Variants in UTRN observed in about 807,000 individuals in gnomAD.
UTRN encodes dystrophin-related protein 1.
UTRN carries 283 observed loss-of-function variants against 463.9 expected under a neutral mutation model. That is an observed-to-expected ratio of 0.61 (90% CI 0.55 to 0.67). UTRN has a LOEUF of 0.67. Among genes scored for constraint, UTRN ranks in the 30% least tolerant of loss-of-function variants. UTRN has a pLI of 0.00. For missense variants in UTRN, 3,922 were observed against 4,084.3 expected (o/e 0.96, Z 1.08); for synonymous variants, 1,442 against 1,431.5 (o/e 1.01, Z -0.17).
intron 51 of UTRN, among the ~76,000 whole-genome samples, chr6:144,651,187 A>T (rs1778785415): frequency 6.6e-6 from 1 of 151,968 alleles, no homozygotes; most frequent in Non-Finnish European, 1.5e-5. Context: ...AATTTTTTTG[A>T]TATATATGAA....
intron 3 of UTRN, among the ~76,000 whole-genome samples, chr6:144,415,621 C>A (rs893524989): frequency 1.3e-5 from 2 of 152,076 alleles, no homozygotes; most frequent in Non-Finnish European, 1.5e-5. Context: ...AGTATCAGAT[C>A]AGAGAGAGGG....
At chr6:144,455,179 T>G (rs1463837863) in intron 19 of UTRN, among the ~76,000 whole-genome samples, 1 of 152,222 alleles carries the variant, frequency 6.6e-6, no homozygotes, top group East Asian at 1.9e-4. Flanking sequence ...GTCCATTTAT[T>G]TTGAAATTAT....
chr6:144,612,367 G>T (rs1377734939), intron 51 of UTRN, among the ~76,000 whole-genome samples: 5 of 152,026 alleles, frequency 3.3e-5, no homozygotes, highest in African/African-American at 1.2e-4. Flanking sequence ...AAATGGGATT[G>T]AATCAAACTA....
At chr6:144,802,943 T>G (rs1239689251) in intron 64 of UTRN, 93 bp from the exon 65 acceptor site, 4 of 848,418 alleles carry the variant, frequency 4.7e-6, no homozygotes, top group Admixed American at 3.6e-5. Flanking sequence ...TATATTTTAT[T>G]TTTTGGTAAT....
intron 73 of UTRN, among the ~76,000 whole-genome samples, chr6:144,845,626 T>C (rs1781946037): frequency 6.6e-6 from 1 of 152,214 alleles, no homozygotes; most frequent in Admixed American, 6.5e-5. Flanking sequence ...TTTGGCTATT[T>C]GTTATATTTG....
chr6:144,817,806 A>G (rs2128752089), intron 65 of UTRN, among the ~76,000 whole-genome samples: 1 of 152,294 alleles, frequency 6.6e-6, no homozygotes, highest in East Asian at 1.9e-4. Flanking sequence ...CTCTTAGATT[A>G]CAACTCTTTG....
At chr6:144,740,731 T>C (rs944128102) in intron 54 of UTRN, among the ~76,000 whole-genome samples, 7 of 152,232 alleles carry the variant, frequency 4.6e-5, no homozygotes, top group African/African-American at 1.7e-4. Flanking sequence ...GCCCATCGAT[T>C]GGGTAAAAAT....
intron 70 of UTRN, 37 bp from the exon 71 acceptor site, chr6:144,836,264 G>T (rs116948114): frequency 8.7e-6 from 14 of 1,613,014 alleles, no homozygotes; most frequent in Non-Finnish European, 1.2e-5. Flanking sequence ...GATAATGCAC[G>T]TGGTAGTCAT....
chr6:144,816,310 A>G (rs1779072410), intron 65 of UTRN, among the ~76,000 whole-genome samples: 1 of 152,186 alleles, frequency 6.6e-6, no homozygotes, highest in South Asian at 2.1e-4. Context: ...AAGGATAGAC[A>G]TTGGAGTGAT....
At position 144,561,220 on chromosome 6, in the gene UTRN, T is replaced by C. The variant is rs1476083875; in HGVS notation, c.7289+3909T>C. Among the ~76,000 whole-genome samples, 66 of 35,376 alleles carry C rather than the reference T, an allele frequency of 1.9e-3. 5 individuals carry two copies. The highest frequency in any genetic ancestry group is 0.014 in the East Asian group (26 of 1,918). 23.2% of individuals were successfully genotyped at this position (35,376 alleles called of 152,430 possible). On this transcript the variant is annotated intron_variant, in intron 50 of 74. Transcript: ENST00000367545. ...AAAAATAACATTATATATATATATATATATATATATATATATATATATATA... is the reference window on the plus strand; with the variant it reads ...AAAAATAACATTATATATATATATACATATATATATATATATATATATATA...
chr6:144,730,803 A>G (rs1788439702), intron 54 of UTRN, among the ~76,000 whole-genome samples: 1 of 151,602 alleles, frequency 6.6e-6, no homozygotes, highest in South Asian at 2.1e-4. Flanking sequence ...TAAACAAGTT[A>G]CATGATAAAT....
At chr6:144,472,931 G>A (rs1277677565) in intron 23 of UTRN, among the ~76,000 whole-genome samples, 1 of 151,972 alleles carries the variant, frequency 6.6e-6, no homozygotes, top group Non-Finnish European at 1.5e-5. Context: ...CACGCCCCCA[G>A]CTAATTTTTG....
At chr6:144,316,475 T>C (rs897514083) in intron 2 of UTRN, among the ~76,000 whole-genome samples, 1 of 152,266 alleles carries the variant, frequency 6.6e-6, no homozygotes, top group African/African-American at 2.4e-5. Flanking sequence ...CCATAATCTG[T>C]TAAACTTTTA....
chr6:144,833,998 T>C (rs1780892004), intron 69 of UTRN, among the ~76,000 whole-genome samples: 1 of 152,196 alleles, frequency 6.6e-6, no homozygotes, highest in Non-Finnish European at 1.5e-5. Context: ...TCTCTTCTTC[T>C]CGTCCTTCTA....
chr6:144,749,843 G>A (rs778499808), intron 55 of UTRN, among the ~76,000 whole-genome samples: 10 of 152,050 alleles, frequency 6.6e-5, no homozygotes, highest in Non-Finnish European at 1.5e-4. Flanking sequence ...AGCCTGTCTT[G>A]AAGTTATATT....
rs146443732 is a variant in UTRN, at chr6:144,612,205, C to A, written c.7479+34917C>A. ...AATGAAAGTAGACCCCTATCTTACA[C>A]CATAGGCAAAAATCAACTTCAAATG... On this transcript the variant is annotated intron_variant, in intron 51 of 74. Coordinates refer to ENST00000367545, the MANE Select transcript of UTRN (RefSeq NM_007124.3). Among the ~76,000 whole-genome samples the A allele has an allele frequency of 3.5e-3, 539 of 152,176 alleles. 3 individuals are homozygous for A. The highest frequency in any genetic ancestry group is 0.012 in the African/African-American group (511 of 41,516).
At position 144,852,886 on chromosome 6, in the gene UTRN, TAATA is replaced by T. The variant is rs145543615; in HGVS notation, c.*1896_*1899del. ...CACTACATTGTAACCTTCTAAGTAATAATAAATAAAAAGAAATATATTGCAGTAA... is the reference window on the plus strand; with the variant it reads ...CACTACATTGTAACCTTCTAAGTAATAATAAAAAGAAATATATTGCAGTAA... On this transcript the variant is annotated 3_prime_UTR_variant, in exon 75 of 75. Coordinates refer to ENST00000367545, the MANE Select transcript of UTRN (RefSeq NM_007124.3). The T allele has an allele frequency of 6.5e-6, 1 of 152,712 alleles. No homozygotes were observed. The highest frequency in any genetic ancestry group is 2.4e-5 in the African/African-American group (1 of 41,572). The allele number at this position is 152,712 out of a possible 1,614,324, so 9.5% of individuals were successfully genotyped here. A position where few individuals can be genotyped will look rare whatever the true frequency, so the allele number is the denominator to read the frequency against.
chr6:144,370,505 G>T (rs1393574488), intron 2 of UTRN, among the ~76,000 whole-genome samples: 1 of 152,260 alleles, frequency 6.6e-6, no homozygotes, highest in African/African-American at 2.4e-5. Context: ...GCAGAGGTGT[G>T]TTGCAGGGGC....
At chr6:144,451,687 G>A (rs1788321799) in intron 18 of UTRN, among the ~76,000 whole-genome samples, 194 bp downstream of exon 18, 2 of 146,172 alleles carry the variant, frequency 1.4e-5, no homozygotes, top group South Asian at 2.2e-4. Flanking sequence ...TTTGGAGGAC[G>A]TTTTTTTTTT....
Sources: allele counts gnomAD v4.1 joint callset (sites outside exome capture counted in the v4.1 genomes callset), GRCh38; gene constraint gnomAD v4.1.1; transcripts MANE v1.5; gene names NCBI Gene and HGNC (gene_info 2026-07-23, HGNC 2026-07-21).